USP45: variants seen among roughly 807,000 people sequenced by gnomAD.
The protein encoded by USP45 is ubiquitin specific peptidase 45, also known as ubiquitin carboxyl-terminal hydrolase 45.
USP45 carries 89 observed loss-of-function variants against 95.8 expected under a neutral mutation model. The ratio of observed to expected loss-of-function variants is 0.93; its 90% CI spans 0.78 to 1.11. USP45 has a LOEUF of 1.11. Ranked by LOEUF, USP45 falls within the 50% of genes least tolerant of loss-of-function variation. The probability of loss-of-function intolerance (pLI) is 0.00; values close to 1 mark genes in which losing one functional copy is unlikely to be tolerated. For synonymous variants in USP45, 281 were observed against 316.2 expected, an observed-to-expected ratio of 0.89 and a Z score of 1.18; for missense variants, 898 against 942.5, an observed-to-expected ratio of 0.95 and a Z score of 0.62.
At chr6:99,461,357 G>A in intron 13 of USP45, 1 of 985,326 alleles carries the variant, frequency 1.0e-6, no homozygotes, top group Non-Finnish European at 1.2e-6. Context: ...GTAGCCATTT[G>A]TTGCAGCTCA....
intron 17 of USP45, among the ~76,000 whole-genome samples, chr6:99,436,545 G>A (rs1780521389): frequency 6.6e-6 from 1 of 151,972 alleles, no homozygotes; most frequent in Non-Finnish European, 1.5e-5. Flanking sequence ...GACAAAGTGA[G>A]ACCTCATTTC....
intron 1 of USP45, 135 bp from the exon 2 acceptor site, chr6:99,510,365 G>A: frequency 3.3e-6 from 2 of 612,624 alleles, no homozygotes; most frequent in Non-Finnish European, 5.7e-6. Flanking sequence ...GAAGAAGAGG[G>A]GAACATCACT....
At position 99,508,750 on chromosome 6, in the gene USP45, T is replaced by C. The variant is rs753430470; in HGVS notation, c.133A>G (p.Ile45Val). 2.5e-6 allele frequency: 4 copies of C among 1,612,712 alleles called. No homozygotes were observed. The highest frequency in any genetic ancestry group is 2.5e-6 in the Non-Finnish European group (3 of 1,179,628). ...GLTCQHVSHA[I>V]SVNHVKRAIA... ...GCTCTCTTTACATGATTCACGCTGA[T>C]AGCATGACTTACATGTTGGCAAGTT... The change falls in exon 3 of 18, where the codon ATC (isoleucine) becomes GTC (valine). Residue 45 changes from isoleucine (I) to valine (V), a missense_variant. Transcript: ENST00000500704.
intron 13 of USP45, among the ~76,000 whole-genome samples, chr6:99,450,104 C>T (rs562107561): frequency 5.3e-5 from 8 of 152,168 alleles, no homozygotes; most frequent in Non-Finnish European, 1.0e-4. Context: ...GACACCCTAA[C>T]ATCACAATTA....
At chr6:99,474,647 C>T (rs1451705992) in intron 9 of USP45, among the ~76,000 whole-genome samples, 1 of 152,136 alleles carries the variant, frequency 6.6e-6, no homozygotes, top group Non-Finnish European at 1.5e-5. Flanking sequence ...AGGTTTTCAC[C>T]TATTACTCCA....
intron 7 of USP45, among the ~76,000 whole-genome samples, chr6:99,485,103 G>A (rs1793537172): frequency 6.6e-6 from 1 of 150,918 alleles, no homozygotes; most frequent in African/African-American, 2.4e-5. Context: ...GCCGAGGCAG[G>A]TGGATCACTT....
upstream of USP45, among the ~76,000 whole-genome samples, chr6:99,515,867 C>T (rs1382879974): frequency 4.0e-5 from 6 of 150,156 alleles, no homozygotes; most frequent in African/African-American, 1.2e-4. Context: ...CTCCGCCTAC[C>T]GGGTTCACGC....
intron 13 of USP45, among the ~76,000 whole-genome samples, chr6:99,447,664 G>C (rs1782832542): frequency 6.6e-6 from 1 of 152,140 alleles, no homozygotes; most frequent in African/African-American, 2.4e-5. Flanking sequence ...CTGCAGACTT[G>C]AATGTCCCTG....
At chr6:99,475,424 TC>T (rs1790574243) in intron 9 of USP45, among the ~76,000 whole-genome samples, 1 of 150,786 alleles carries the variant, frequency 6.6e-6, no homozygotes, top group South Asian at 2.1e-4. Context: ...TCAAGTATTC[TC>T]CTGCCTCAGC....
chr6:99,468,871 A>G (rs1453625527), intron 9 of USP45, among the ~76,000 whole-genome samples: 1 of 152,138 alleles, frequency 6.6e-6, no homozygotes, highest in African/African-American at 2.4e-5. Context: ...GATTTAATGT[A>G]TTTTTATCAG....
chr6:99,437,088 C>T (rs1780624378), intron 17 of USP45, among the ~76,000 whole-genome samples, 158 bp downstream of exon 17: 1 of 148,662 alleles, frequency 6.7e-6, no homozygotes, highest in Non-Finnish European at 1.5e-5. Context: ...ATGACTGAGA[C>T]TCTGTCTCAA....
intron 13 of USP45, among the ~76,000 whole-genome samples, chr6:99,456,976 C>G (rs1420575082): frequency 6.6e-6 from 1 of 152,166 alleles, no homozygotes; most frequent in Non-Finnish European, 1.5e-5. Context: ...CTATGAATGG[C>G]CCCCCTGGGC....
At chr6:99,483,160 C>T (rs1478006845) in intron 7 of USP45, among the ~76,000 whole-genome samples, 1 of 152,150 alleles carries the variant, frequency 6.6e-6, no homozygotes, top group African/African-American at 2.4e-5. Flanking sequence ...TCCTTTAATG[C>T]ACTCTCCTAT....
upstream of USP45, among the ~76,000 whole-genome samples, chr6:99,516,631 G>A (rs1426879931): frequency 6.6e-5 from 10 of 152,086 alleles, no homozygotes; most frequent in African/African-American, 2.4e-4. Context: ...CTATCATTTT[G>A]GGGTTAGGAT....
At chr6:99,467,299 G>C (rs1788202216) in intron 10 of USP45, among the ~76,000 whole-genome samples, 1 of 152,236 alleles carries the variant, frequency 6.6e-6, no homozygotes, top group Non-Finnish European at 1.5e-5. Flanking sequence ...ACCTGAGGTT[G>C]GGAGAAAATG....
At chr6:99,502,815 G>T (rs1016980058) in intron 5 of USP45, among the ~76,000 whole-genome samples, 1 of 152,160 alleles carries the variant, frequency 6.6e-6, no homozygotes, top group Non-Finnish European at 1.5e-5. Flanking sequence ...TCAAAAGTGT[G>T]TACTACCTCC....
At chr6:99,440,052 C>CA (rs1286664886) in intron 15 of USP45, among the ~76,000 whole-genome samples, 197 bp from the exon 16 acceptor site, 1 of 152,150 alleles carries the variant, frequency 6.6e-6, no homozygotes, top group East Asian at 1.9e-4. Context: ...TATTCATTTA[C>CA]ATGGGGATTT....
intron 1 of USP45, among the ~76,000 whole-genome samples, chr6:99,512,750 C>T (rs981714084): frequency 3.9e-5 from 6 of 152,148 alleles, no homozygotes; most frequent in South Asian, 2.1e-4. Flanking sequence ...TAAGGGCTTC[C>T]GGGTTAGGAA....
chr6:99,495,579 C>T (rs1217441823), intron 5 of USP45, among the ~76,000 whole-genome samples: 2 of 152,130 alleles, frequency 1.3e-5, no homozygotes, highest in African/African-American at 4.8e-5. Flanking sequence ...GATTCAAACC[C>T]GGGCAGTCTA....
Sources: gnomAD v4.1 joint callset for allele counts (sites outside exome capture counted in the v4.1 genomes callset) on GRCh38, gnomAD v4.1.1 for gene constraint, MANE v1.5 for transcripts, NCBI Gene and HGNC (gene_info 2026-07-23, HGNC 2026-07-21) for gene names.